ZNF836: variants seen among roughly 807,000 people sequenced by gnomAD.
ZNF836 encodes zinc finger protein 836.
ZNF836 carries 12 observed loss-of-function variants against 7.4 expected under a neutral mutation model. The observed-to-expected ratio is 1.61, with a 90% CI of 1.03 to 2.61. ZNF836 has a LOEUF of 2.61. ZNF836 is among the 30% of genes most tolerant of loss of function. The pLI is 0.00. For synonymous variants in ZNF836, 365 were observed against 382.6 expected (o/e 0.95, Z 0.54); for missense variants, 998 against 1,126.2 (o/e 0.89, Z 1.63).
intron 1 of ZNF836, 155 bp downstream of exon 1, chr19:52,171,181 C>T (rs1448658367): frequency 1.3e-5 from 2 of 152,362 alleles, no homozygotes. Flanking sequence ...GAGGACTCGA[C>T]TTGGCGCAGG....
chr19:52,156,383 T>C lies in ZNF836; in HGVS notation c.1300A>G (p.Ile434Val), dbSNP rs774523369. Residue 434 changes from isoleucine (I) to valine (V), a missense_variant, in exon 5 of 5, where the codon ATA becomes GTA. Ile to Val is a conservative substitution (Grantham distance 29). Transcript: ENST00000682614. ...KRSSSLTTHQ[I>V]IHTGEKPYTC... ...TATGGTTTCTCTCCTGTATGGATTA[T>C]CTGATGTGTAGTGAGGCTGGAGCTC... 5 of 1,614,090 alleles carry C rather than the reference T, an allele frequency of 3.1e-6. No homozygotes were observed. The highest frequency in any genetic ancestry group is 2.7e-5 in the African/African-American group (2 of 74,930).
rs1284210572 is a variant in ZNF836 at position 52,155,568 on chromosome 19, T to A, written c.2115A>T (p.Gln705His). The A allele has an allele frequency of 3.1e-6, 5 of 1,613,780 alleles. No individual in the cohort carries two copies. ...NCNEFGGAFI[Q>H]SSKLARYHRN... is the part of the protein sequence containing the mutation. Reference sequence around the variant, plus strand: ...TGTGATATCTTGCAAGTTTTGAACTTTGGATAAATGCCCCTCCAAACTCAT... The same window carrying A: ...TGTGATATCTTGCAAGTTTTGAACTATGGATAAATGCCCCTCCAAACTCAT... Residue 705 changes from glutamine to histidine, a missense_variant, in exon 5 of 5, where the codon CAA becomes CAT. Gln to His is a conservative substitution (Grantham distance 24). Coordinates refer to ENST00000682614, the MANE Select transcript of ZNF836 (RefSeq NM_001102657.3).
rs1319774947 is a variant in ZNF836, at chr19:52,155,793, T to C, written c.1890A>G (p.Arg630=). 6.2e-7 allele frequency: 1 copy of C among 1,614,034 alleles called. No homozygotes were observed. Among genetic ancestry groups the C allele is most frequent in the South Asian group, 1.1e-5 (1 of 91,080 alleles). Residue 630 remains arginine (R), a synonymous_variant, in exon 5 of 5, where the codon AGA becomes AGG. Coordinates refer to ENST00000682614, the MANE Select transcript of ZNF836 (RefSeq NM_001102657.3). ...GAAACGGCTTCTCTCCAGTATGAAT[T>C]CTCTTATGATTTGAAAGGTTTCCAC... is the stretch of plus-strand genomic sequence containing the variant. ...NDSGNLSNHK[R]IHTGEKPFQC...
At chr19:52,166,524 T>C (rs539089760) in intron 3 of ZNF836, among the ~76,000 whole-genome samples, 2 of 151,862 alleles carry the variant, frequency 1.3e-5, no homozygotes, top group South Asian at 4.1e-4. Context: ...AGCATGAATT[T>C]CATATATAAT....
intron 3 of ZNF836, among the ~76,000 whole-genome samples, chr19:52,162,617 C>T (rs1200832423): frequency 1.3e-5 from 2 of 152,136 alleles, no homozygotes; most frequent in African/African-American, 4.8e-5. Context: ...GGACAAGGGC[C>T]CTGAGCTTTT....
rs1229014891 is a variant in ZNF836 at position 52,161,494 on chromosome 19, A to G, written c.16-903T>C. Among the ~76,000 whole-genome samples the G allele has an allele frequency of 6.6e-6, 1 of 152,114 alleles. No homozygotes were observed. Among genetic ancestry groups the G allele is most frequent in the African/African-American group, 2.4e-5 (1 of 41,412 alleles). On this transcript the variant is annotated intron_variant, in intron 3 of 4. Coordinates refer to ENST00000682614, the MANE Select transcript of ZNF836 (RefSeq NM_001102657.3). This position sits in a 1 kb window ranked among gnomAD's most constrained non-coding sequence, Gnocchi z 4.1. ...GGACAGAAAGGGCAAAAAGCAGTGA[A>G]CTCCGTAGAATAAGCCTTTTGATAT...
intron 3 of ZNF836, among the ~76,000 whole-genome samples, chr19:52,165,586 G>A (rs957692247): frequency 2.6e-5 from 4 of 152,176 alleles, no homozygotes; most frequent in African/African-American, 9.7e-5. Context: ...GCTCCCCACA[G>A]AAACATGAGG....
chr19:52,155,308 G>C lies in ZNF836; in HGVS notation c.2375C>G (p.Thr792Arg). 6.2e-7 allele frequency: 1 copy of C among 1,612,986 alleles called. No individual in the cohort carries two copies. The highest frequency in any genetic ancestry group is 8.5e-7 in the Non-Finnish European group (1 of 1,179,708). Residue 792 changes from threonine (T) to arginine (R), a missense_variant, in exon 5 of 5, where the codon ACA becomes AGA. Coordinates refer to ENST00000682614, the MANE Select transcript of ZNF836 (RefSeq NM_001102657.3). Reference protein sequence around the residue: ...ECGKVFRHQSTLARHRSIHTG... With the variant: ...ECGKVFRHQSRLARHRSIHTG... Reference sequence around the variant, plus strand: ...ATGAATACTCCGATGACGTGCTAGTGTTGATTGATGACGAAAGACCTTGCC... The same window carrying C: ...ATGAATACTCCGATGACGTGCTAGTCTTGATTGATGACGAAAGACCTTGCC...
Position 52,154,805 on chromosome 19 carries a change from G to T in ZNF836, c.*67C>A, listed in dbSNP as rs1344175001. 5 of 1,368,640 alleles carry T rather than the reference G, an allele frequency of 3.7e-6. No individual in the cohort carries two copies. The highest frequency in any genetic ancestry group is 1.5e-5 in the African/African-American group (1 of 68,196). 84.8% of individuals were successfully genotyped at this position (1,368,640 alleles called of 1,614,324 possible). ...ACCAGGCCCCACCTCCAATAAAGGG[G>T]ATTAAAATTCCACATGAGATTTCAG... On this transcript the variant is annotated 3_prime_UTR_variant, in exon 5 of 5. Transcript: ENST00000682614.
rs749943597 is a variant in ZNF836 at position 52,154,913 on chromosome 19, C to A, written c.2770G>T (p.Glu924Ter). ...AESLKTKFNV[E>*]KPLDVLLTSG... Reference sequence around the variant, plus strand: ...GTTAGGAGAACATCTAAAGGCTTTTCCACATTGAATTTTGTTTTAAGACTC... The same window carrying A: ...GTTAGGAGAACATCTAAAGGCTTTTACACATTGAATTTTGTTTTAAGACTC... Residue 924 changes from glutamate (E) to a stop codon, truncating the protein, a stop_gained, in exon 5 of 5, where the codon GAA becomes TAA. Coordinates refer to ENST00000682614, the MANE Select transcript of ZNF836 (RefSeq NM_001102657.3). LOFTEE classifies it low-confidence loss of function (END_TRUNC). The A allele has an allele frequency of 1.3e-6, 2 of 1,538,318 alleles. 1 individual carries two copies. The highest frequency in any genetic ancestry group is 2.6e-5 in the South Asian group (2 of 77,212).
intron 3 of ZNF836, 114 bp downstream of exon 3, chr19:52,167,944 T>C: frequency 1.3e-6 from 1 of 770,814 alleles, no homozygotes; most frequent in Admixed American, 2.1e-5. Flanking sequence ...CATGGGTGAA[T>C]GGCAGCAAAC....
Position 52,155,826 on chromosome 19 carries a change from GA to G in ZNF836, c.1856del (p.Phe619SerfsTer35). The G allele has an allele frequency of 6.2e-7, 1 of 1,613,864 alleles. No individual in the cohort carries two copies. Among genetic ancestry groups the G allele is most frequent in the Non-Finnish European group, 8.5e-7 (1 of 1,179,874 alleles). On this transcript the variant is annotated frameshift_variant, in exon 5 of 5. Transcript: ENST00000682614. LOFTEE classifies it low-confidence loss of function (END_TRUNC). ...PYKCNVCGKV[F>X]NDSGNLSNHK... is the part of the protein sequence containing the mutation. ...GATTTGAAAGGTTTCCACTGTCATT[GA>G]AGACCTTGCCACACACATTACATTT... is the stretch of plus-strand genomic sequence containing the variant.
chr19:52,160,699 T>C (rs2089206167), intron 3 of ZNF836, 108 bp from the exon 4 acceptor site: 1 of 1,379,284 alleles, frequency 7.3e-7, no homozygotes, highest in Non-Finnish European at 9.7e-7. Flanking sequence ...TGTTTTCACA[T>C]ATCCATGCAA....
At chr19:52,164,221 G>A (rs1293399369) in intron 3 of ZNF836, among the ~76,000 whole-genome samples, 7 of 151,716 alleles carry the variant, frequency 4.6e-5, no homozygotes, top group African/African-American at 7.3e-5. Context: ...GTGAAATCCC[G>A]TTTCTACTAA....
At chr19:52,165,320 C>T (rs1429390013) in intron 3 of ZNF836, 2 of 152,200 alleles carry the variant, frequency 1.3e-5, no homozygotes, top group Non-Finnish European at 2.9e-5. Context: ...TGCATACAGG[C>T]AGCCACGGTG....
chr19:52,166,571 A>G (rs1229709988), intron 3 of ZNF836, among the ~76,000 whole-genome samples: 1 of 135,288 alleles, frequency 7.4e-6, no homozygotes, highest in Admixed American at 8.1e-5. Flanking sequence ...TGTTGTACCA[A>G]CTTCTTTTTT....
rs761143114 is a variant in ZNF836 at position 52,155,142 on chromosome 19, T to C, written c.2541A>G (p.Ser847=). 1 of 1,614,138 alleles carries C rather than the reference T, an allele frequency of 6.2e-7. No individual in the cohort carries two copies. The highest frequency in any genetic ancestry group is 1.1e-5 in the South Asian group (1 of 91,084). ...NECGKAFIER[S]KLVYHQRNHT... ...GATTTCTTTGATGGTACACCAGCTT[T>C]GACCTTTCAATAAAAGCTTTACCAC... Residue 847 remains serine (S), a synonymous_variant, in exon 5 of 5, where the codon TCA becomes TCG. Coordinates refer to ENST00000682614, the MANE Select transcript of ZNF836 (RefSeq NM_001102657.3).
rs535650690 is a variant in ZNF836, at chr19:52,169,156, C to T, written c.-81+492G>A. ...ATACTTAACATTTAGAAATGAATGA[C>T]GTCAGCTGATTATAGGATGCCACCA... is the stretch of plus-strand genomic sequence containing the variant. On this transcript the variant is annotated intron_variant, in intron 2 of 4. Coordinates refer to ENST00000682614, the MANE Select transcript of ZNF836 (RefSeq NM_001102657.3). 6.6e-5 allele frequency among the ~76,000 whole-genome samples: 10 copies of T among 152,214 alleles called. No homozygotes were observed. In the East Asian group the frequency reaches 7.7e-4, roughly 12 times the overall value.
Position 52,155,388 on chromosome 19 carries a change from A to T in ZNF836, c.2295T>A (p.Leu765=), listed in dbSNP as rs1057118111. 1 of 1,613,604 alleles carries T rather than the reference A, an allele frequency of 6.2e-7. No homozygotes were observed. Among genetic ancestry groups the T allele is most frequent in the Admixed American group, 1.7e-5 (1 of 59,970 alleles). The change falls in exon 5 of 5, where the codon CTT becomes CTA. Residue 765 remains leucine (L), a synonymous_variant. Transcript: ENST00000682614. ...CAGTGTGAATTCTCCGATGCCTTGC[A>T]AGGTTCGAAGTGGAATTAAAGACCT... is the stretch of plus-strand genomic sequence containing the variant. ...CGQVFNSTSN[L]ARHRRIHTGE...
Sources: gnomAD v4.1 joint callset for allele counts (sites outside exome capture counted in the v4.1 genomes callset) on GRCh38, gnomAD v4.1.1 for gene constraint, Gnocchi (gnomAD v3.1) non-coding constraint, MANE v1.5 for transcripts, NCBI Gene and HGNC (gene_info 2026-07-23, HGNC 2026-07-21) for gene names.